Variants in GPD1L observed in about 807,000 individuals in gnomAD.
GPD1L encodes glycerol-3-phosphate dehydrogenase 1-like protein.
GPD1L carries 17 observed loss-of-function variants against 32.9 expected under a neutral mutation model. The observed-to-expected ratio is 0.52, with a 90% confidence interval of 0.35 to 0.78. The LOEUF is 0.78. GPD1L is among the 30% of genes least tolerant of loss of function. The pLI is 0.01. For missense variants in GPD1L, 361 were observed against 447.8 expected (o/e 0.81, Z 1.75); for synonymous variants, 187 against 165.9 (o/e 1.13, Z -0.98).
At chr3:32,124,893 A>G (rs1700484986) in intron 1 of GPD1L, among the ~76,000 whole-genome samples, 1 of 152,142 alleles carries the variant, frequency 6.6e-6, no homozygotes, top group Non-Finnish European at 1.5e-5. Flanking sequence ...ACTGCACTCC[A>G]GCCTGGAGGA....
chr3:32,140,180 C>T, intron 3 of GPD1L, 48 bp from the exon 4 acceptor site: 1 of 1,610,326 alleles, frequency 6.2e-7, no homozygotes, highest in Non-Finnish European at 8.5e-7. Flanking sequence ...TCCCATGCCT[C>T]TTTGATTTGG....
At position 32,106,623 on chromosome 3, in the gene GPD1L, G is replaced by A. The variant is rs1186976378; in HGVS notation, c.-89G>A. 11 of 1,295,356 alleles carry A rather than the reference G, an allele frequency of 8.5e-6. No individual in the cohort carries two copies. Among genetic ancestry groups the A allele is most frequent in the Admixed American group, 3.4e-5 (1 of 29,140 alleles). 80.2% of individuals were successfully genotyped at this position (1,295,356 alleles called of 1,614,324 possible). A position where few individuals can be genotyped will look rare whatever the true frequency, so the allele number is the denominator to read the frequency against. On this transcript the variant is annotated 5_prime_UTR_variant, in exon 1 of 8. Transcript: ENST00000282541. The surrounding 1 kb of genome is among the most constrained non-coding windows in gnomAD (Gnocchi z 4.0). ...GCGGAGAGGCGAAAGGGGCGGGGCC[G>A]CCGCCAGCCGCTGCGGGCAAGGCTG...
intron 7 of GPD1L, among the ~76,000 whole-genome samples, chr3:32,160,847 A>C (rs1196327123): frequency 6.6e-6 from 1 of 152,194 alleles, no homozygotes; most frequent in African/African-American, 2.4e-5. Context: ...CGATTTACTG[A>C]GCATGATTGT....
At chr3:32,137,894 G>A (rs1440057415) in intron 2 of GPD1L, among the ~76,000 whole-genome samples, 1 of 152,206 alleles carries the variant, frequency 6.6e-6, no homozygotes, top group African/African-American at 2.4e-5. Context: ...CCATGGGGTC[G>A]AGGGAATCAA....
intron 1 of GPD1L, among the ~76,000 whole-genome samples, chr3:32,123,159 C>T (rs1274354875): frequency 6.6e-6 from 1 of 152,160 alleles, no homozygotes; most frequent in African/African-American, 2.4e-5. Flanking sequence ...TCCTTAGCCT[C>T]CCAGTGTGCT....
chr3:32,138,564 T>C (rs932226827), intron 2 of GPD1L, 23 bp from the exon 3 acceptor site: 2 of 1,613,076 alleles, frequency 1.2e-6, no homozygotes, highest in East Asian at 4.5e-5. Flanking sequence ...GGAGAAACGG[T>C]CTTCTCTGCC....
At position 32,106,812 on chromosome 3, in the gene GPD1L, CG is replaced by C; in HGVS notation, c.47+57del. Reference sequence around the variant, plus strand: ...CTCCGCTTCCAGGAAGCGCCTCTCCCGGGCGGTGAGGGCTGCGCGCCCCATG... The same window carrying C: ...CTCCGCTTCCAGGAAGCGCCTCTCCCGGCGGTGAGGGCTGCGCGCCCCATG... On this transcript the variant is annotated intron_variant, in intron 1 of 7. Coordinates refer to ENST00000282541, the MANE Select transcript of GPD1L (RefSeq NM_015141.4). The surrounding 1 kb of genome is among the most constrained non-coding windows in gnomAD (Gnocchi z 4.0). The C allele has an allele frequency of 1.3e-6, 2 of 1,517,082 alleles. No homozygotes were observed. Among genetic ancestry groups the C allele is most frequent in the East Asian group, 2.6e-5 (1 of 37,814 alleles). 94.0% of individuals were successfully genotyped at this position (1,517,082 alleles called of 1,614,324 possible).
chr3:32,138,818 A>C, intron 3 of GPD1L, 91 bp downstream of exon 3: 2 of 1,348,488 alleles, frequency 1.5e-6, no homozygotes, highest in African/African-American at 2.9e-5. Flanking sequence ...TTTGGAGCTG[A>C]AGGGGAAGTT....
At chr3:32,117,512 T>C (rs752102667) in intron 1 of GPD1L, among the ~76,000 whole-genome samples, 30 of 152,146 alleles carry the variant, frequency 2.0e-4, no homozygotes, top group Admixed American at 6.5e-4. Context: ...CTGGTGGATG[T>C]TTGGAAATGG....
At position 32,138,590 on chromosome 3, in the gene GPD1L, G is replaced by A; in HGVS notation, c.229G>A (p.Ala77Thr). Residue 77 changes from alanine (A) to threonine (T), a missense_variant, in exon 3 of 8, where the codon GCC becomes ACC. Physicochemically the swap from Ala to Thr is moderately conservative, Grantham distance 58 (BLOSUM62 0). Coordinates refer to ENST00000282541, the MANE Select transcript of GPD1L (RefSeq NM_015141.4). The part of the protein sequence containing the change: ...PGHKLPENVV[A>T]MSNLSEAVQD... ...CTTCTCTGCCTTTTGGTTGCAGGTT[G>A]CCATGTCAAATCTTAGCGAGGCTGT... 1 of 1,613,964 alleles carries A rather than the reference G, an allele frequency of 6.2e-7. No individual in the cohort carries two copies. Among genetic ancestry groups the A allele is most frequent in the East Asian group, 2.2e-5 (1 of 44,884 alleles).
chr3:32,136,751 G>A (rs571665120), intron 2 of GPD1L, among the ~76,000 whole-genome samples: 3 of 151,748 alleles, frequency 2.0e-5, no homozygotes, highest in Non-Finnish European at 4.4e-5. Flanking sequence ...TATTATTCTT[G>A]GTCCCATGTT....
At chr3:32,122,818 T>C (rs906980066) in intron 1 of GPD1L, among the ~76,000 whole-genome samples, 7 of 152,242 alleles carry the variant, frequency 4.6e-5, no homozygotes, top group Non-Finnish European at 1.0e-4. Flanking sequence ...AAACACATCA[T>C]GCAGGCAGCA....
intron 5 of GPD1L, chr3:32,151,137 G>T (rs934451609): frequency 7.6e-6 from 4 of 526,838 alleles, no homozygotes; most frequent in Non-Finnish European, 1.5e-5. Flanking sequence ...CTTCCCACTG[G>T]TTCCCACAAA....
At chr3:32,158,097 G>T (rs138993739) in intron 5 of GPD1L, among the ~76,000 whole-genome samples, 2 of 152,210 alleles carry the variant, frequency 1.3e-5, no homozygotes, top group African/African-American at 4.8e-5. Context: ...TGGCAGCACT[G>T]TTTGTCATGG....
chr3:32,118,630 T>A (rs1700364156), intron 1 of GPD1L, among the ~76,000 whole-genome samples: 1 of 152,202 alleles, frequency 6.6e-6, no homozygotes, highest in Non-Finnish European at 1.5e-5. Context: ...CTTAACCATT[T>A]TTAAGCATAC....
intron 7 of GPD1L, among the ~76,000 whole-genome samples, chr3:32,162,501 T>C (rs1701086837): frequency 9.0e-6 from 1 of 111,562 alleles, no homozygotes; most frequent in Non-Finnish European, 1.8e-5. Context: ...TTCTCCTGCC[T>C]CAGCCTCCCC....
chr3:32,140,033 T>A (rs888336596), intron 3 of GPD1L, among the ~76,000 whole-genome samples, 195 bp from the exon 4 acceptor site: 9 of 152,348 alleles, frequency 5.9e-5, no homozygotes, highest in Admixed American at 3.9e-4. Context: ...CACGTTCTAT[T>A]TCTTAACACG....
At position 32,113,246 on chromosome 3, in the gene GPD1L, AATCTT is replaced by A. The variant is rs80280570; in HGVS notation, c.47+6494_47+6498del. Among the ~76,000 whole-genome samples, 615 of 122,924 alleles carry A rather than the reference AATCTT, an allele frequency of 5.0e-3. 9 individuals are homozygous for A. Among genetic ancestry groups the A allele is most frequent in the African/African-American group, 0.021 (557 of 26,246 alleles). 80.6% of individuals were successfully genotyped at this position (122,924 alleles called of 152,430 possible). On this transcript the variant is annotated intron_variant, in intron 1 of 7. Coordinates refer to ENST00000282541, the MANE Select transcript of GPD1L (RefSeq NM_015141.4). ...TAATTAGAGGATTAATTGTTGAAAA[AATCTT>A]ATCTTTTTTTTTCTTTGTATGTGAA...
At position 32,106,954 on chromosome 3, in the gene GPD1L, G is replaced by A. The variant is rs1158013526; in HGVS notation, c.47+196G>A. On this transcript the variant is annotated intron_variant, in intron 1 of 7. Coordinates refer to ENST00000282541, the MANE Select transcript of GPD1L (RefSeq NM_015141.4). The surrounding 1 kb of genome is among the most constrained non-coding windows in gnomAD (Gnocchi z 4.0). ...CCGGGGCACTCGCTCGGGAGGCGCT[G>A]GGCTCGCGTGCGTGCGGGGGACAGC... 1.4e-5 allele frequency: 6 copies of A among 442,118 alleles called. No individual in the cohort carries two copies. Among genetic ancestry groups the A allele is most frequent in the African/African-American group, 8.2e-5 (4 of 48,702 alleles). The allele number at this position is 442,118 out of a possible 1,614,324, so 27.4% of individuals were successfully genotyped here.
Sources: allele counts gnomAD v4.1 joint callset (sites outside exome capture counted in the v4.1 genomes callset), GRCh38; gene constraint gnomAD v4.1.1; non-coding constraint Gnocchi (gnomAD v3.1); transcripts MANE v1.5; gene names NCBI Gene and HGNC (gene_info 2026-07-23, HGNC 2026-07-21).